The following ASIC2 variants were observed in gnomAD, a reference collection of about 807,000 sequenced individuals.
The protein encoded by ASIC2 is acid sensing ion channel subunit 2.
ASIC2 carries 25 observed loss-of-function variants against 57.3 expected under a neutral mutation model. That is an observed-to-expected ratio of 0.44 (90% CI 0.32 to 0.61). The LOEUF is 0.61. Among genes scored for constraint, ASIC2 ranks in the 20% least tolerant of loss-of-function variants. The probability of loss-of-function intolerance (pLI) is 0.06; values close to 1 mark genes in which losing one functional copy is unlikely to be tolerated. For synonymous variants in ASIC2, 319 were observed against 307.5 expected, an observed-to-expected ratio of 1.04 and a Z score of -0.39; for missense variants, 641 against 738.1, an observed-to-expected ratio of 0.87 and a Z score of 1.52.
chr17:33,731,539 TAATC>T (rs1909742512), intron 1 of ASIC2, among the ~76,000 whole-genome samples: 2 of 152,346 alleles, frequency 1.3e-5, no homozygotes, highest in African/African-American at 4.8e-5. Flanking sequence ...CTGCTGGGAC[TAATC>T]AATAAGTAAT....
chr17:33,410,616 C>T (rs1910625767), intron 1 of ASIC2, among the ~76,000 whole-genome samples: 2 of 152,188 alleles, frequency 1.3e-5, no homozygotes, highest in East Asian at 1.9e-4. Flanking sequence ...CAGTGCTTGT[C>T]CTTGCCATGA....
intron 1 of ASIC2, among the ~76,000 whole-genome samples, chr17:33,612,363 T>C (rs1905438730): frequency 6.6e-6 from 1 of 152,188 alleles, no homozygotes; most frequent in Non-Finnish European, 1.5e-5. Context: ...AGCAATGAAC[T>C]GATGCTCTGC....
At chr17:33,246,008 G>A (rs1355113317) in intron 1 of ASIC2, among the ~76,000 whole-genome samples, 1 of 147,388 alleles carries the variant, frequency 6.8e-6, no homozygotes, top group African/African-American at 2.6e-5. Flanking sequence ...GCAACATAGT[G>A]AGACCCTCCC....
At chr17:33,155,390 A>G (rs1489619183) in intron 1 of ASIC2, among the ~76,000 whole-genome samples, 1 of 152,116 alleles carries the variant, frequency 6.6e-6, no homozygotes, top group East Asian at 1.9e-4. Flanking sequence ...CAGGGAATCC[A>G]TTTCCTCTTC....
chr17:33,755,064 C>A (rs11651774), intron 1 of ASIC2, among the ~76,000 whole-genome samples: 51,454 of 151,276 alleles, frequency 0.34, 10,658 homozygotes, highest in Non-Finnish European at 0.49. Context: ...GATTTTTGAG[C>A]TGACGGGATT....
intron 1 of ASIC2, among the ~76,000 whole-genome samples, chr17:33,479,091 C>T (rs1040994066): frequency 2.1e-4 from 32 of 150,780 alleles, no homozygotes; most frequent in African/African-American, 7.1e-4. Flanking sequence ...CTCTGCCTCC[C>T]GGGTTCAAGC....
chr17:33,294,125 G>T (rs564529844), upstream of ASIC2, among the ~76,000 whole-genome samples: 29 of 152,260 alleles, frequency 1.9e-4, no homozygotes, highest in South Asian at 1.2e-3. Context: ...GGGGGAGTAG[G>T]ACTTCCAGGG....
intron 1 of ASIC2, among the ~76,000 whole-genome samples, chr17:33,404,985 C>G (rs1910416603): frequency 6.6e-6 from 1 of 151,940 alleles, no homozygotes; most frequent in South Asian, 2.1e-4. Context: ...AGCTACTGAA[C>G]CCAGGTGGCT....
intron 3 of ASIC2, among the ~76,000 whole-genome samples, chr17:33,047,709 T>A (rs2091960873): frequency 2.6e-5 from 4 of 152,194 alleles, no homozygotes; most frequent in Admixed American, 6.5e-5. Context: ...TGAGGCTTTC[T>A]TTTCCACTAA....
intron 1 of ASIC2, among the ~76,000 whole-genome samples, chr17:33,352,445 A>C (rs1381806451): frequency 2.6e-5 from 4 of 152,126 alleles, no homozygotes; most frequent in African/African-American, 4.8e-5. Flanking sequence ...ACCTCTTACT[A>C]ATGATGAGGC....
intron 1 of ASIC2, among the ~76,000 whole-genome samples, chr17:33,258,025 G>C (rs1045346931): frequency 6.6e-6 from 1 of 152,218 alleles, no homozygotes; most frequent in African/African-American, 2.4e-5. Flanking sequence ...GTAAGTGCTT[G>C]ATAAACAAGT....
intron 1 of ASIC2, among the ~76,000 whole-genome samples, chr17:33,467,762 TC>T (rs1912912636): frequency 6.6e-6 from 1 of 152,106 alleles, no homozygotes; most frequent in South Asian, 2.1e-4. Context: ...TGGAAGCAGA[TC>T]CCCCACCTTC....
intron 1 of ASIC2, among the ~76,000 whole-genome samples, chr17:34,064,071 C>A (rs1158288940): frequency 6.6e-6 from 1 of 152,088 alleles, no homozygotes; most frequent in Non-Finnish European, 1.5e-5. Context: ...CTAGCCAAAG[C>A]AAGACTAAGC....
intron 1 of ASIC2, among the ~76,000 whole-genome samples, chr17:33,961,283 A>C (rs1904911912): frequency 6.6e-6 from 1 of 152,232 alleles, no homozygotes; most frequent in African/African-American, 2.4e-5. Flanking sequence ...GCTTCAGGAC[A>C]CAGTTATGCT....
At chr17:33,480,762 C>T (rs975999035) in intron 1 of ASIC2, among the ~76,000 whole-genome samples, 2 of 152,122 alleles carry the variant, frequency 1.3e-5, no homozygotes, top group African/African-American at 4.8e-5. Flanking sequence ...TAGAAACCCT[C>T]TACCCCAAAG....
intron 1 of ASIC2, chr17:34,036,611 G>C (rs1436277090): frequency 7.0e-6 from 1 of 143,820 alleles, no homozygotes; most frequent in Admixed American, 7.1e-5. Context: ...TTAATGAAAA[G>C]AAATGGTCCT....
intron 1 of ASIC2, among the ~76,000 whole-genome samples, chr17:33,834,934 T>C (rs1213122895): frequency 2.6e-5 from 4 of 152,034 alleles, no homozygotes; most frequent in Non-Finnish European, 4.4e-5. Context: ...GACAAAAAAA[T>C]AGTAAAAGGA....
At chr17:33,815,494 A>C (rs1396942795) in intron 1 of ASIC2, among the ~76,000 whole-genome samples, 1 of 152,134 alleles carries the variant, frequency 6.6e-6, no homozygotes, top group Non-Finnish European at 1.5e-5. Flanking sequence ...TGGTTCCTGA[A>C]AAGGTCTTGA....
intron 3 of ASIC2, among the ~76,000 whole-genome samples, chr17:33,048,701 C>T (rs530748314): frequency 4.5e-4 from 68 of 152,240 alleles, no homozygotes; most frequent in Non-Finnish European, 7.2e-4. Flanking sequence ...ACTAGTTTCC[C>T]TAGCACTCCC....
Sources: gnomAD v4.1 joint callset for allele counts (sites outside exome capture counted in the v4.1 genomes callset) on GRCh38, gnomAD v4.1.1 for gene constraint, MANE v1.5 for transcripts, NCBI Gene and HGNC (gene_info 2026-07-23, HGNC 2026-07-21) for gene names.